Variants in ARHGAP12 observed in about 807,000 individuals in gnomAD.
ARHGAP12 encodes rho GTPase-activating protein 12.
In ARHGAP12, 64 loss-of-function variants were observed where a neutral mutation model predicts 108.6. The ratio of observed to expected loss-of-function variants is 0.59; its 90% confidence interval spans 0.48 to 0.73. ARHGAP12 has a LOEUF of 0.73. ARHGAP12 is among the 30% of genes least tolerant of loss of function. The probability of loss-of-function intolerance (pLI) is 0.00; values close to 1 mark genes in which losing one functional copy is unlikely to be tolerated. For missense variants in ARHGAP12, 940 were observed against 1,005.9 expected (o/e 0.93, Z 0.89); for synonymous variants, 312 against 337.2 (o/e 0.93, Z 0.82).
chr10:31,912,695 G>C (rs1299777123), intron 1 of ARHGAP12, among the ~76,000 whole-genome samples: 2 of 152,148 alleles, frequency 1.3e-5, no homozygotes, highest in African/African-American at 4.8e-5. Context: ...CAAGAGTGGA[G>C]ACAATGGGAT....
chr10:31,814,002 A>G (rs1835109843), intron 14 of ARHGAP12, among the ~76,000 whole-genome samples: 1 of 152,226 alleles, frequency 6.6e-6, no homozygotes, highest in Non-Finnish European at 1.5e-5. Flanking sequence ...GAAATGCACT[A>G]TACTTCTTCT....
rs16932758 is a variant in ARHGAP12 at position 31,872,468 on chromosome 10, C to T, written c.685-10810G>A. Among the ~76,000 whole-genome samples the T allele has an allele frequency of 7.0e-3, 1,061 of 152,264 alleles. 10 individuals carry two copies. Among genetic ancestry groups the T allele is most frequent in the African/African-American group, 0.025 (1,020 of 41,540 alleles). On this transcript the variant is annotated intron_variant, in intron 3 of 19. Transcript: ENST00000344936. ...ATACTATCATAAACTCCTCAAGCAG[C>T]TATCTCTCAAAGTCATCTGTATCTC...
At chr10:31,834,824 T>C (rs1397862002) in intron 9 of ARHGAP12, among the ~76,000 whole-genome samples, 1 of 152,178 alleles carries the variant, frequency 6.6e-6, no homozygotes, top group Non-Finnish European at 1.5e-5. Flanking sequence ...CTTTAACTAT[T>C]AAATATCTAA....
chr10:31,884,094 T>TAAAAAA (rs59701767), intron 3 of ARHGAP12, among the ~76,000 whole-genome samples: 3 of 114,462 alleles, frequency 2.6e-5, no homozygotes, highest in African/African-American at 9.5e-5. Context: ...TGTTTACACC[T>TAAAAAA]AAAAAAAAAA....
intron 1 of ARHGAP12, among the ~76,000 whole-genome samples, chr10:31,915,143 T>C (rs146089334): frequency 0.011 from 1,709 of 152,258 alleles, 41 homozygotes; most frequent in African/African-American, 0.039. Flanking sequence ...TCCCAGCACT[T>C]TGGGAGACCG....
At position 31,921,763 on chromosome 10, in the gene ARHGAP12, C is replaced by CAA. The variant is rs57420280; in HGVS notation, c.-111+6918_-111+6919dup. Among the ~76,000 whole-genome samples, 170 of 37,930 alleles carry CAA rather than the reference C, an allele frequency of 4.5e-3. 21 individuals are homozygous for CAA. The highest frequency in any genetic ancestry group is 0.042 in the East Asian group (20 of 480). The allele number at this position is 37,930 out of a possible 152,430, so 24.9% of individuals were successfully genotyped here. On this transcript the variant is annotated intron_variant, in intron 1 of 19. Coordinates refer to ENST00000344936, the MANE Select transcript of ARHGAP12 (RefSeq NM_018287.7). ...TGGGTGACAGAGCAAGGCTCCATCT[C>CAA]AAAAAAAAAAAAAAAAAAAAAAAAA... is the stretch of plus-strand genomic sequence containing the variant.
chr10:31,927,476 T>TGAATCAGAACCC (rs1840098484), intron 1 of ARHGAP12, among the ~76,000 whole-genome samples: 1 of 152,174 alleles, frequency 6.6e-6, no homozygotes. Flanking sequence ...TGGCAGAACC[T>TGAATCAGAACCC]GAATCAGAAC....
intron 3 of ARHGAP12, among the ~76,000 whole-genome samples, chr10:31,881,555 A>C (rs929646603): frequency 1.3e-5 from 2 of 152,164 alleles, no homozygotes; most frequent in African/African-American, 2.4e-5. Flanking sequence ...GAAACAATAA[A>C]CTGTTAAGAT....
intron 3 of ARHGAP12, 89 bp from the exon 4 acceptor site, chr10:31,861,747 C>G (rs990928841): frequency 7.8e-6 from 10 of 1,283,834 alleles, no homozygotes; most frequent in Middle Eastern, 2.3e-4. Context: ...ATAAACAATA[C>G]TAACTCATTT....
chr10:31,843,341 A>C, intron 7 of ARHGAP12, 120 bp downstream of exon 7: 1 of 1,163,422 alleles, frequency 8.6e-7, no homozygotes, highest in Non-Finnish European at 1.2e-6. Flanking sequence ...AATTAGTTCA[A>C]AAGAAATCAA....
chr10:31,920,970 A>G (rs1839782390), intron 1 of ARHGAP12, among the ~76,000 whole-genome samples: 1 of 152,222 alleles, frequency 6.6e-6, no homozygotes, highest in Admixed American at 6.5e-5. Flanking sequence ...CTTCTAAATG[A>G]GTCAGGAGTC....
intron 2 of ARHGAP12, among the ~76,000 whole-genome samples, chr10:31,909,185 C>G (rs1459666760): frequency 6.6e-6 from 1 of 152,196 alleles, no homozygotes; most frequent in African/African-American, 2.4e-5. Flanking sequence ...ATACACTAAC[C>G]AGGTAGACAC....
At chr10:31,810,318 T>C (rs879708294) in intron 16 of ARHGAP12, among the ~76,000 whole-genome samples, 4 of 152,150 alleles carry the variant, frequency 2.6e-5, no homozygotes, top group Non-Finnish European at 5.9e-5. Context: ...ATCTTATACA[T>C]TGTCAAATTA....
intron 9 of ARHGAP12, among the ~76,000 whole-genome samples, chr10:31,836,535 T>C (rs554436506): frequency 6.6e-6 from 1 of 152,310 alleles, no homozygotes; most frequent in African/African-American, 2.4e-5. Flanking sequence ...TTAAATCTGG[T>C]GTGATTAAAG....
rs189322793 is a variant in ARHGAP12, at chr10:31,922,621, A to G, written c.-111+6062T>C. On this transcript the variant is annotated intron_variant, in intron 1 of 19. Coordinates refer to ENST00000344936, the MANE Select transcript of ARHGAP12 (RefSeq NM_018287.7). ...CCAAAGCTTGCTAAAGAATAAACAG[A>G]TAACCTGAATACTCCTATATCTATT... is the stretch of plus-strand genomic sequence containing the variant. Among the ~76,000 whole-genome samples the G allele has an allele frequency of 4.0e-3, 603 of 152,262 alleles. 3 individuals carry two copies. Among genetic ancestry groups the G allele is most frequent in the Non-Finnish European group, 4.3e-3 (291 of 68,028 alleles).
intron 3 of ARHGAP12, among the ~76,000 whole-genome samples, chr10:31,899,465 T>C (rs1244421547): frequency 6.6e-6 from 1 of 152,136 alleles, no homozygotes; most frequent in African/African-American, 2.4e-5. Flanking sequence ...GGAAGACACA[T>C]ATTAGTTACT....
chr10:31,851,730 C>A (rs2132279893), intron 6 of ARHGAP12, among the ~76,000 whole-genome samples: 1 of 152,154 alleles, frequency 6.6e-6, no homozygotes, highest in Admixed American at 6.5e-5. Flanking sequence ...AATGTAGTAA[C>A]ATCTAGTCAT....
intron 13 of ARHGAP12, among the ~76,000 whole-genome samples, chr10:31,816,168 C>CAT (rs764431709): frequency 7.3e-6 from 1 of 136,330 alleles, no homozygotes; most frequent in African/African-American, 2.8e-5. Context: ...AAGAAAGAAA[C>CAT]GTGTGTGTGT....
intron 3 of ARHGAP12, among the ~76,000 whole-genome samples, chr10:31,904,506 A>G (rs1000979571): frequency 6.6e-6 from 1 of 152,216 alleles, no homozygotes; most frequent in Non-Finnish European, 1.5e-5. Flanking sequence ...TCCCGTGGTG[A>G]TGGAAATGCT....
Sources: gnomAD v4.1 joint callset for allele counts (sites outside exome capture counted in the v4.1 genomes callset) on GRCh38, gnomAD v4.1.1 for gene constraint, MANE v1.5 for transcripts, NCBI Gene and HGNC (gene_info 2026-07-23, HGNC 2026-07-21) for gene names.